Variants in CAST observed in about 807,000 individuals in gnomAD.
CAST encodes calpastatin, also known as MIR583 host.
In CAST, 76 loss-of-function variants were observed where a neutral mutation model predicts 119.6. The ratio of observed to expected loss-of-function variants is 0.64; its 90% confidence interval spans 0.53 to 0.77. The LOEUF is 0.77. Among genes scored for constraint, CAST ranks in the 30% least tolerant of loss-of-function variants. The pLI, the probability that CAST is intolerant of heterozygous loss-of-function variation, is 0.00. For missense variants in CAST, 953 were observed against 946.5 expected (o/e 1.01, Z -0.09); for synonymous variants, 319 against 331.6 (o/e 0.96, Z 0.41).
chr5:96,624,349 C>T (rs946041643), intron 1 of CAST, among the ~76,000 whole-genome samples: 1 of 152,160 alleles, frequency 6.6e-6, no homozygotes, highest in African/African-American at 2.4e-5. Flanking sequence ...TGGGAAAATA[C>T]GGTGAATAGT....
At chr5:96,684,475 C>T (rs1751811058) in intron 2 of CAST, among the ~76,000 whole-genome samples, 1 of 151,998 alleles carries the variant, frequency 6.6e-6, no homozygotes, top group African/African-American at 2.4e-5. Context: ...AGTTTATTAA[C>T]TTTAGTAGCA....
chr5:96,655,017 G>A (rs1748139989), intron 1 of CAST, among the ~76,000 whole-genome samples: 1 of 152,270 alleles, frequency 6.6e-6, no homozygotes. Flanking sequence ...TTGATGTATA[G>A]CTCTATCTTT....
the CAST span, among the ~76,000 whole-genome samples, chr5:96,501,785 A>C: frequency 6.6e-6 from 1 of 152,240 alleles, no homozygotes; most frequent in Non-Finnish European, 1.5e-5. Flanking sequence ...TCAAGGACAG[A>C]CCACATATAC....
chr5:96,277,653 A>G, the CAST span, among the ~76,000 whole-genome samples: 2 of 152,144 alleles, frequency 1.3e-5, no homozygotes, highest in African/African-American at 4.8e-5. Context: ...AATTCTAGAT[A>G]ATATCAGTGT....
chr5:96,561,965 T>C (rs1746380456), intron 1 of CAST, among the ~76,000 whole-genome samples: 1 of 149,410 alleles, frequency 6.7e-6, no homozygotes, highest in South Asian at 2.2e-4. Context: ...GCTAATTTTT[T>C]GTATTTTTAG....
At chr5:96,260,766 GAGATGATGGGTT>G in the CAST span, among the ~76,000 whole-genome samples, 4 of 152,196 alleles carry the variant, frequency 2.6e-5, no homozygotes, top group Admixed American at 2.0e-4. Context: ...TTCAAAGTCT[GAGATGATGGGTT>G]AGATGATCTC....
the CAST span, among the ~76,000 whole-genome samples, chr5:96,486,803 C>T: frequency 6.6e-6 from 1 of 152,172 alleles, no homozygotes; most frequent in East Asian, 1.9e-4. Flanking sequence ...TCCATGTACT[C>T]TATCCTGATC....
At chr5:96,756,836 T>TTGTCG (rs1428374464) in intron 22 of CAST, among the ~76,000 whole-genome samples, 1 of 152,242 alleles carries the variant, frequency 6.6e-6, no homozygotes, top group Non-Finnish European at 1.5e-5. Context: ...TTTCTTCATT[T>TTGTCG]TGTCGTGTTA....
chr5:96,345,154 G>A, the CAST span, among the ~76,000 whole-genome samples: 1 of 152,034 alleles, frequency 6.6e-6, no homozygotes, highest in Non-Finnish European at 1.5e-5. Context: ...ATCTAACAAG[G>A]AGTCTTACCA....
At chr5:96,009,009 T>G in the CAST span, among the ~76,000 whole-genome samples, 1 of 152,134 alleles carries the variant, frequency 6.6e-6, no homozygotes, top group Non-Finnish European at 1.5e-5. Context: ...ATTCCTGTGA[T>G]TATGTCCATG....
the CAST span, among the ~76,000 whole-genome samples, chr5:96,130,891 G>A: frequency 1.3e-5 from 2 of 152,108 alleles, no homozygotes; most frequent in African/African-American, 2.4e-5. Context: ...TTGCTTACAA[G>A]CATGCAGAAA....
upstream of CAST, among the ~76,000 whole-genome samples, chr5:96,521,797 G>A (rs1245706980): frequency 2.0e-5 from 3 of 152,278 alleles, no homozygotes; most frequent in African/African-American, 7.2e-5. Context: ...ATGAATGAAT[G>A]GATTTGTGCA....
intron 1 of CAST, among the ~76,000 whole-genome samples, chr5:96,636,428 A>C (rs1360563750): frequency 6.6e-6 from 1 of 152,122 alleles, no homozygotes; most frequent in Non-Finnish European, 1.5e-5. Context: ...AAATACAGGC[A>C]TTTCCCATCT....
chr5:96,627,462 C>T (rs1747745401), intron 1 of CAST, among the ~76,000 whole-genome samples: 1 of 152,128 alleles, frequency 6.6e-6, no homozygotes, highest in South Asian at 2.1e-4. Flanking sequence ...TTACATATAA[C>T]TTTTTCTCTC....
chr5:96,520,565 ATGTGTGTGTGTCTG>A (rs571521987), upstream of CAST, among the ~76,000 whole-genome samples: 1,332 of 151,258 alleles, frequency 8.8e-3, 17 homozygotes, highest in Middle Eastern at 0.054. Context: ...CTAGGTGTGT[ATGTGTGTGTGTCTG>A]TGTGTGTGTG....
intron 19 of CAST, 122 bp downstream of exon 19, chr5:96,748,735 C>A: frequency 1.8e-6 from 1 of 553,002 alleles, no homozygotes; most frequent in Non-Finnish European, 3.3e-6. Flanking sequence ...TCGTTTTTTC[C>A]ATGTCATTTT....
At chr5:96,575,006 GA>G (rs1182353129) in intron 1 of CAST, among the ~76,000 whole-genome samples, 3 of 152,048 alleles carry the variant, frequency 2.0e-5, no homozygotes, top group African/African-American at 7.2e-5. Context: ...GATCAATTTG[GA>G]AAGAATTGAA....
At chr5:96,469,945 G>A in the CAST span, among the ~76,000 whole-genome samples, 7,426 of 148,028 alleles carry the variant, frequency 0.05, 242 homozygotes, top group Non-Finnish European at 0.072. Flanking sequence ...ACATGCTTAA[G>A]GAACACTAAA....
At chr5:96,447,507 C>T in the CAST span, among the ~76,000 whole-genome samples, 2 of 152,186 alleles carry the variant, frequency 1.3e-5, no homozygotes, top group African/African-American at 2.4e-5. Context: ...CATCCACACA[C>T]GTGCCTGCAT....
Sources: gnomAD v4.1 joint callset for allele counts (sites outside exome capture counted in the v4.1 genomes callset) on GRCh38, gnomAD v4.1.1 for gene constraint, MANE v1.5 for transcripts, NCBI Gene and HGNC (gene_info 2026-07-23, HGNC 2026-07-21) for gene names.